SYAP1: variants seen among roughly 807,000 people sequenced by gnomAD.
SYAP1 encodes synapse-associated protein 1.
In SYAP1, 3 loss-of-function variants were observed where a neutral mutation model predicts 29.6. The observed-to-expected ratio is 0.10, with a 90% CI of 0.05 to 0.26. The LOEUF is 0.26. SYAP1 is among the 10% of genes least tolerant of loss of function. The pLI, the probability that SYAP1 is intolerant of heterozygous loss-of-function variation, is 1.00. For missense variants in SYAP1, 217 were observed against 264.1 expected, an observed-to-expected ratio of 0.82 and a Z score of 1.24; for synonymous variants, 102 against 102.7, an observed-to-expected ratio of 0.99 and a Z score of 0.04.
chrX:16,722,476 C>T (rs1028812880), intron 1 of SYAP1, among the ~76,000 whole-genome samples: 4 of 107,161 alleles, frequency 3.7e-5, no homozygotes, highest in Non-Finnish European at 7.7e-5. Context: ...TGCAGTGAGC[C>T]GAGATCGCGC....
intron 1 of SYAP1, among the ~76,000 whole-genome samples, chrX:16,720,316 G>A (rs925380706): frequency 1.2e-4 from 13 of 112,384 alleles, no homozygotes; most frequent in African/African-American, 4.2e-4. Flanking sequence ...AGGTCAGAAC[G>A]TGTTGTCTGA....
rs1018548120 is a variant in SYAP1 at position 16,757,724 on chromosome X, A to AAAAT, written c.931+434_931+437dup. On this transcript the variant is annotated intron_variant, in intron 8 of 8. Transcript: ENST00000380155. ...GGTGACAGAGCGAGACTCCGCCTCA[A>AAAAT]AAATAAATAAATAAATAAATAATAA... 2.2e-4 allele frequency among the ~76,000 whole-genome samples: 24 copies of AAAAT among 107,699 alleles called. No homozygotes were observed. In the East Asian group the frequency reaches 2.6e-3, roughly 12 times the overall value. The allele number at this position is 107,699 out of a possible 115,157, so 93.5% of individuals were successfully genotyped here. A position where few individuals can be genotyped will look rare whatever the true frequency, so the allele number is the denominator to read the frequency against.
rs916753894 is a variant in SYAP1, at chrX:16,736,270, T to C, written c.361+38T>C. 3.1e-6 allele frequency: 3 copies of C among 953,795 alleles called. No individual in the cohort carries two copies. In the African/African-American group the frequency reaches 5.8e-5, roughly 18 times the overall value. 78.6% of individuals were successfully genotyped at this position (953,795 alleles called of 1,213,427 possible). A position where few individuals can be genotyped will look rare whatever the true frequency, so the allele number is the denominator to read the frequency against. On this transcript the variant is annotated intron_variant, in intron 3 of 8. Transcript: ENST00000380155. Reference sequence around the variant, plus strand: ...TTTGTCTTAATTAACCTGCCAGGTTTTATTGAGCACCTGTTATGTGCTAGA... The same window carrying C: ...TTTGTCTTAATTAACCTGCCAGGTTCTATTGAGCACCTGTTATGTGCTAGA...
chrX:16,741,760 A>G lies in SYAP1; in HGVS notation c.406A>G (p.Ile136Val), dbSNP rs1926465315. 8.3e-7 allele frequency: 1 copy of G among 1,207,672 alleles called. No homozygotes were observed. The highest frequency in any genetic ancestry group is 2.2e-5 in the Admixed American group (1 of 45,418). Residue 136 changes from isoleucine (I) to valine (V), a missense_variant, in exon 4 of 9, where the codon ATT becomes GTT. Physicochemically the swap from Ile to Val is conservative, Grantham distance 29. Transcript: ENST00000380155. ...PWVDTNDEET[I>V]QQQILALSAD... Reference sequence around the variant, plus strand: ...GGTTGACACTAACGATGAAGAAACAATTCAACAACAAATTTTGGCCTTATC... The same window carrying G: ...GGTTGACACTAACGATGAAGAAACAGTTCAACAACAAATTTTGGCCTTATC...
chrX:16,760,052 T>C (rs957899344), intron 8 of SYAP1, among the ~76,000 whole-genome samples, 180 bp from the exon 9 acceptor site: 1 of 112,808 alleles, frequency 8.9e-6, no homozygotes, highest in East Asian at 2.8e-4. Flanking sequence ...TCTAATTGTG[T>C]TTATCCTTGG....
chrX:16,737,023 G>T (rs1569249135), intron 3 of SYAP1, among the ~76,000 whole-genome samples: 1 of 111,911 alleles, frequency 8.9e-6, no homozygotes, highest in East Asian at 2.8e-4. Context: ...ACATGCCTCT[G>T]AAGTTATAAG....
At chrX:16,755,397 T>C (rs1343774258) in intron 6 of SYAP1, among the ~76,000 whole-genome samples, 2 of 109,502 alleles carry the variant, frequency 1.8e-5, no homozygotes, top group African/African-American at 6.6e-5. Context: ...ACTCAAGCGA[T>C]CCTCCTGCCT....
At chrX:16,730,116 G>A (rs755430277) in intron 1 of SYAP1, among the ~76,000 whole-genome samples, 3 of 111,919 alleles carry the variant, frequency 2.7e-5, no homozygotes, top group Non-Finnish European at 5.6e-5. Flanking sequence ...AGAACTTTGA[G>A]AGGCCAAGGT....
At chrX:16,742,115 G>A (rs1396970998) in intron 4 of SYAP1, among the ~76,000 whole-genome samples, 1 of 95,748 alleles carries the variant, frequency 1.0e-5, no homozygotes, top group Non-Finnish European at 2.0e-5. Flanking sequence ...ACAGGCATGC[G>A]CCACCATGCC....
At chrX:16,732,912 A>T (rs1049276748) in intron 1 of SYAP1, among the ~76,000 whole-genome samples, 1 of 112,288 alleles carries the variant, frequency 8.9e-6, no homozygotes, top group African/African-American at 3.2e-5. Context: ...CTGAGAAGAC[A>T]TTCACCAAGT....
chrX:16,746,124 G>A (rs1926595651), intron 5 of SYAP1, among the ~76,000 whole-genome samples: 1 of 100,698 alleles, frequency 9.9e-6, no homozygotes, highest in Admixed American at 1.1e-4. Flanking sequence ...CATATTAGTG[G>A]TAAATTTCTA....
At chrX:16,759,547 A>G (rs1926936395) in intron 8 of SYAP1, among the ~76,000 whole-genome samples, 1 of 111,898 alleles carries the variant, frequency 8.9e-6, no homozygotes, top group South Asian at 3.7e-4. Flanking sequence ...TGAGAGCTCC[A>G]GTCAGAACAC....
chrX:16,754,831 A>G, intron 5 of SYAP1, 114 bp from the exon 6 acceptor site: 1 of 714,221 alleles, frequency 1.4e-6, no homozygotes, highest in Non-Finnish European at 2.2e-6. Flanking sequence ...TACAACAAAT[A>G]ACCCCTGCGT....
chrX:16,737,062 G>C (rs1389563692), intron 3 of SYAP1, among the ~76,000 whole-genome samples: 1 of 111,780 alleles, frequency 8.9e-6, no homozygotes, highest in Non-Finnish European at 1.9e-5. Flanking sequence ...TTACCATTTT[G>C]TAGCACCCAA....
At chrX:16,744,586 A>T (rs1392063998) in intron 5 of SYAP1, among the ~76,000 whole-genome samples, 1 of 112,213 alleles carries the variant, frequency 8.9e-6, no homozygotes, top group Non-Finnish European at 1.9e-5. Context: ...TAATCTCAAC[A>T]CTTTGGGAGG....
intron 3 of SYAP1, among the ~76,000 whole-genome samples, chrX:16,739,408 C>T (rs1199306548): frequency 9.2e-6 from 1 of 109,225 alleles, no homozygotes; most frequent in Non-Finnish European, 1.9e-5. Context: ...TATTCCAGGA[C>T]AGCAAAGCAT....
intron 4 of SYAP1, among the ~76,000 whole-genome samples, chrX:16,743,282 T>A (rs1402307705): frequency 9.3e-6 from 1 of 107,083 alleles, no homozygotes; most frequent in African/African-American, 3.4e-5. Context: ...GAGCTGAGAT[T>A]GCACCACTGC....
At chrX:16,727,595 G>A (rs781588718) in intron 1 of SYAP1, among the ~76,000 whole-genome samples, 6 of 112,233 alleles carry the variant, frequency 5.3e-5, no homozygotes, top group Middle Eastern at 4.6e-3. Flanking sequence ...CACCCACCTC[G>A]GCCTCCCGAA....
chrX:16,755,493 C>T (rs1222436110), intron 6 of SYAP1, among the ~76,000 whole-genome samples: 2 of 109,434 alleles, frequency 1.8e-5, no homozygotes, highest in Non-Finnish European at 3.8e-5. Flanking sequence ...CTCAAACATC[C>T]GTCATCTTCC....
Sources: allele counts gnomAD v4.1 joint callset (sites outside exome capture counted in the v4.1 genomes callset), GRCh38; gene constraint gnomAD v4.1.1; transcripts MANE v1.5; gene names NCBI Gene and HGNC (gene_info 2026-07-23, HGNC 2026-07-21).